Variants in KLHL1 observed in about 807,000 individuals in gnomAD.
The protein encoded by KLHL1 is kelch-like protein 1.
In KLHL1, 47 loss-of-function variants were observed where a neutral mutation model predicts 77.7. That is an observed-to-expected ratio of 0.60 (90% confidence interval 0.48 to 0.77). KLHL1 has a LOEUF of 0.77. KLHL1 is among the 30% of genes least tolerant of loss of function. The pLI is 0.00. For synonymous variants in KLHL1, 360 were observed against 325.2 expected, an observed-to-expected ratio of 1.11 and a Z score of -1.15; for missense variants, 925 against 910.8, an observed-to-expected ratio of 1.02 and a Z score of -0.20.
At chr13:69,722,016 CAAAA>C (rs1306334654) in intron 8 of KLHL1, among the ~76,000 whole-genome samples, 1 of 151,976 alleles carries the variant, frequency 6.6e-6, no homozygotes, top group Non-Finnish European at 1.5e-5. Context: ...TGATTTAACT[CAAAA>C]GAAGTATGGA....
chr13:69,870,945 G>C (rs1437933677), intron 5 of KLHL1, among the ~76,000 whole-genome samples: 2 of 152,052 alleles, frequency 1.3e-5, no homozygotes, highest in Non-Finnish European at 2.9e-5. Flanking sequence ...CCAGGCTGAG[G>C]TGCAAACTGC....
chr13:69,967,606 G>C (rs1044708710), intron 2 of KLHL1, among the ~76,000 whole-genome samples: 1 of 152,188 alleles, frequency 6.6e-6, no homozygotes, highest in Non-Finnish European at 1.5e-5. Context: ...TACACAACCT[G>C]GTGGGGCGTT....
intron 1 of KLHL1, among the ~76,000 whole-genome samples, chr13:70,038,803 C>CCACGT (rs1218309015): frequency 1.3e-5 from 2 of 151,842 alleles, no homozygotes; most frequent in African/African-American, 4.8e-5. Context: ...GTTGGCCAGG[C>CCACGT]TGGTCTCAAA....
chr13:69,840,115 AC>A (rs1879186295), intron 5 of KLHL1, among the ~76,000 whole-genome samples: 1 of 152,136 alleles, frequency 6.6e-6, no homozygotes, highest in African/African-American at 2.4e-5. Context: ...GCAGCATGTG[AC>A]TAATTAAATT....
chr13:69,804,338 C>T (rs1280066732), intron 6 of KLHL1, among the ~76,000 whole-genome samples: 1 of 151,936 alleles, frequency 6.6e-6, no homozygotes, highest in East Asian at 1.9e-4. Flanking sequence ...AATGTTTGTA[C>T]ACTCTAGTTT....
Position 70,088,823 on chromosome 13 carries a change from G to T in KLHL1, c.497+18380C>A, listed in dbSNP as rs183806874. 2.9e-3 allele frequency among the ~76,000 whole-genome samples: 433 copies of T among 151,576 alleles called. 3 individuals carry two copies. The highest frequency in any genetic ancestry group is 9.7e-3 in the African/African-American group (401 of 41,316). ...TTTATATTCATGTACATATGAAAAA[G>T]AACATTTTTCCCTTAAAACTCATCA... On this transcript the variant is annotated intron_variant, in intron 1 of 10. Coordinates refer to ENST00000377844, the MANE Select transcript of KLHL1 (RefSeq NM_020866.3).
chr13:69,785,465 A>G (rs1876486251), intron 7 of KLHL1, among the ~76,000 whole-genome samples: 1 of 152,196 alleles, frequency 6.6e-6, no homozygotes, highest in South Asian at 2.1e-4. Flanking sequence ...TATGAGAACA[A>G]AGACACAACA....
chr13:69,968,166 A>G (rs537439564), intron 2 of KLHL1, among the ~76,000 whole-genome samples: 2 of 152,072 alleles, frequency 1.3e-5, no homozygotes, highest in East Asian at 3.9e-4. Flanking sequence ...ACAGCGAGTT[A>G]AGACCCATCA....
intron 3 of KLHL1, among the ~76,000 whole-genome samples, chr13:69,943,264 GA>G (rs1296798553): frequency 6.6e-6 from 1 of 151,824 alleles, no homozygotes; most frequent in African/African-American, 2.4e-5. Flanking sequence ...AATTAAAGAA[GA>G]ATTTGTTGGA....
chr13:69,787,575 A>T (rs1876624968), intron 7 of KLHL1, among the ~76,000 whole-genome samples: 3 of 152,238 alleles, frequency 2.0e-5, no homozygotes, highest in Admixed American at 1.3e-4. Flanking sequence ...AAACCTAGGC[A>T]GTACCATTCA....
At chr13:69,871,650 C>T (rs751195035) in intron 5 of KLHL1, among the ~76,000 whole-genome samples, 31 of 152,054 alleles carry the variant, frequency 2.0e-4, no homozygotes, top group Admixed American at 4.6e-4. Flanking sequence ...GAAATTTCTT[C>T]CACAATCTAC....
chr13:69,820,295 T>G (rs1262884733), intron 6 of KLHL1, among the ~76,000 whole-genome samples: 6 of 152,216 alleles, frequency 3.9e-5, no homozygotes, highest in Non-Finnish European at 7.3e-5. Flanking sequence ...TCGGTTATCA[T>G]AACGTATTCA....
At chr13:69,912,005 T>G (rs1882255762) in intron 4 of KLHL1, among the ~76,000 whole-genome samples, 1 of 152,152 alleles carries the variant, frequency 6.6e-6, no homozygotes, top group African/African-American at 2.4e-5. Context: ...TCTGTTCTAT[T>G]TGGTTGAACT....
At chr13:69,814,940 G>A (rs1878054837) in intron 6 of KLHL1, among the ~76,000 whole-genome samples, 1 of 152,110 alleles carries the variant, frequency 6.6e-6, no homozygotes, top group Non-Finnish European at 1.5e-5. Flanking sequence ...GAACCCAGGA[G>A]GCGGAGGTTG....
intron 6 of KLHL1, among the ~76,000 whole-genome samples, chr13:69,825,186 C>CT (rs1328595531): frequency 6.6e-6 from 1 of 151,882 alleles, no homozygotes; most frequent in Non-Finnish European, 1.5e-5. Context: ...CTAAAAACAG[C>CT]TTTTTTCTAC....
At chr13:69,813,332 G>A (rs1593854459) in intron 6 of KLHL1, among the ~76,000 whole-genome samples, 1 of 152,070 alleles carries the variant, frequency 6.6e-6, no homozygotes. Context: ...TGTGGGGTGG[G>A]GGGAGAGGGG....
intron 3 of KLHL1, among the ~76,000 whole-genome samples, chr13:69,953,176 A>T (rs1883764732): frequency 6.6e-6 from 1 of 151,284 alleles, no homozygotes; most frequent in Non-Finnish European, 1.5e-5. Flanking sequence ...AAATTATGAA[A>T]TTATGAATGC....
At chr13:69,890,177 C>A (rs556307374) in intron 4 of KLHL1, among the ~76,000 whole-genome samples, 11 of 151,962 alleles carry the variant, frequency 7.2e-5, no homozygotes, top group Admixed American at 6.6e-4. Flanking sequence ...AAGAGGGTGA[C>A]AATGGAAGTG....
At chr13:69,737,872 G>T (rs1481187191) in intron 8 of KLHL1, among the ~76,000 whole-genome samples, 3 of 152,160 alleles carry the variant, frequency 2.0e-5, no homozygotes, top group Non-Finnish European at 4.4e-5. Context: ...CAGCACACCT[G>T]CCCCACCAAG....
Sources: gnomAD v4.1 joint callset for allele counts (sites outside exome capture counted in the v4.1 genomes callset) on GRCh38, gnomAD v4.1.1 for gene constraint, MANE v1.5 for transcripts, NCBI Gene and HGNC (gene_info 2026-07-23, HGNC 2026-07-21) for gene names.